CDK5RAP1: variants seen among roughly 807,000 people sequenced by gnomAD.
The protein encoded by CDK5RAP1 is CDK5RAP1 mitochondrial tRNA methylthiotransferase, also known as mitochondrial tRNA methylthiotransferase CDK5RAP1.
In CDK5RAP1, 62 loss-of-function variants were observed where a neutral mutation model predicts 64.5. The observed-to-expected ratio is 0.96, with a 90% confidence interval of 0.78 to 1.19. The LOEUF (loss-of-function observed/expected upper bound fraction) is 1.19, where lower values mean the gene tolerates loss of function less well. CDK5RAP1 is among the 50% of genes most tolerant of loss of function. The probability of loss-of-function intolerance (pLI) is 0.00; values close to 1 mark genes in which losing one functional copy is unlikely to be tolerated. For synonymous variants in CDK5RAP1, 250 were observed against 261.9 expected (o/e 0.95, Z 0.44); for missense variants, 657 against 735.0 (o/e 0.89, Z 1.23).
chr20:33,382,748 C>A (rs1452839400), intron 7 of CDK5RAP1, among the ~76,000 whole-genome samples: 3 of 151,950 alleles, frequency 2.0e-5, no homozygotes, highest in African/African-American at 4.8e-5. Flanking sequence ...GCCTATAATC[C>A]CAGCTACTCA....
At chr20:33,364,523 C>G (rs1442061037) in intron 12 of CDK5RAP1, among the ~76,000 whole-genome samples, 1 of 151,948 alleles carries the variant, frequency 6.6e-6, no homozygotes, top group African/African-American at 2.4e-5. Context: ...AAATCACCCA[C>G]CAGGAGCAGT....
intron 1 of CDK5RAP1, among the ~76,000 whole-genome samples, chr20:33,397,819 C>T (rs1989040296): frequency 6.6e-6 from 1 of 151,810 alleles, no homozygotes; most frequent in Admixed American, 6.6e-5. Context: ...TGGCAAAACC[C>T]CATTTCTACT....
chr20:33,383,200 AAAT>A (rs1986983198), intron 7 of CDK5RAP1, among the ~76,000 whole-genome samples: 1 of 152,056 alleles, frequency 6.6e-6, no homozygotes, highest in Non-Finnish European at 1.5e-5. Flanking sequence ...ATAAATAAAT[AAAT>A]AATAAAAAGA....
At chr20:33,389,269 G>A (rs291702) in intron 5 of CDK5RAP1, among the ~76,000 whole-genome samples, 86,695 of 146,508 alleles carry the variant, frequency 0.59, 26,989 homozygotes, top group South Asian at 0.69. Flanking sequence ...GCCTCTGCCC[G>A]GCCGCGACCC....
At chr20:33,383,535 A>T in intron 7 of CDK5RAP1, 1 of 152,166 alleles carries the variant, frequency 6.6e-6, no homozygotes. Context: ...AGGTCGGGAG[A>T]TCGAGACCAG....
intron 10 of CDK5RAP1, 62 bp from the exon 11 acceptor site, chr20:33,370,691 C>G: frequency 6.3e-7 from 1 of 1,580,570 alleles, no homozygotes; most frequent in South Asian, 1.1e-5. Flanking sequence ...GGGAGGCCTT[C>G]AGCATATGTG....
intron 9 of CDK5RAP1, 95 bp downstream of exon 9, chr20:33,374,020 A>G: frequency 1.2e-6 from 1 of 838,420 alleles, no homozygotes; most frequent in Non-Finnish European, 2.0e-6. Flanking sequence ...ACTTTGTGCC[A>G]CACACTATGC....
intron 7 of CDK5RAP1, among the ~76,000 whole-genome samples, chr20:33,383,732 A>C (rs1459719713): frequency 3.2e-5 from 4 of 123,726 alleles, no homozygotes; most frequent in African/African-American, 9.1e-5. Flanking sequence ...TAAGAGCAAA[A>C]CTCTGTCTCA....
At chr20:33,395,745 G>A (rs1988842111) in intron 2 of CDK5RAP1, among the ~76,000 whole-genome samples, 1 of 152,214 alleles carries the variant, frequency 6.6e-6, no homozygotes, top group African/African-American at 2.4e-5. Flanking sequence ...GAGGGTGGTG[G>A]CTCACGCCTG....
chr20:33,370,411 G>A (rs146874226), intron 11 of CDK5RAP1, 88 bp downstream of exon 11: 12 of 1,403,556 alleles, frequency 8.5e-6, no homozygotes, highest in East Asian at 4.6e-5. Flanking sequence ...CTGCCTTGCC[G>A]CCACTCTCTT....
chr20:33,390,989 C>T (rs1988240562), intron 5 of CDK5RAP1, among the ~76,000 whole-genome samples: 1 of 152,164 alleles, frequency 6.6e-6, no homozygotes, highest in Admixed American at 6.6e-5. Flanking sequence ...CAGTGGCTCA[C>T]ACCTATAATC....
intron 12 of CDK5RAP1, among the ~76,000 whole-genome samples, chr20:33,360,708 T>C (rs567654822): frequency 5.3e-5 from 8 of 152,322 alleles, no homozygotes; most frequent in African/African-American, 1.9e-4. Flanking sequence ...GCTAACTATA[T>C]TATAATGAAT....
intron 5 of CDK5RAP1, among the ~76,000 whole-genome samples, chr20:33,389,902 T>C (rs1021816243): frequency 6.6e-6 from 1 of 151,684 alleles, no homozygotes; most frequent in Non-Finnish European, 1.5e-5. Flanking sequence ...AATTTTTCAA[T>C]GAACAAACAA....
chr20:33,362,060 G>T (rs532419747), intron 12 of CDK5RAP1, among the ~76,000 whole-genome samples: 1 of 151,996 alleles, frequency 6.6e-6, no homozygotes, highest in East Asian at 1.9e-4. Context: ...ATTCAAGTAC[G>T]GAAGTGGTGG....
chr20:33,380,720 T>TTTCTGCCC (rs1986643386), intron 7 of CDK5RAP1, among the ~76,000 whole-genome samples: 1 of 152,192 alleles, frequency 6.6e-6, no homozygotes, highest in African/African-American at 2.4e-5. Context: ...ATTTATATTA[T>TTTCTGCCC]AGGCCAGGTG....
intron 1 of CDK5RAP1, among the ~76,000 whole-genome samples, chr20:33,397,862 A>C (rs1170356380): frequency 6.6e-6 from 1 of 152,118 alleles, no homozygotes; most frequent in Admixed American, 6.6e-5. Flanking sequence ...TGTGGTAGCA[A>C]GTGCCTATAG....
Position 33,382,711 on chromosome 20 carries a change from ATT to A in CDK5RAP1, c.876+2937_876+2938del, listed in dbSNP as rs1044141796. On this transcript the variant is annotated intron_variant, in intron 7 of 13. Coordinates refer to ENST00000346416, the MANE Select transcript of CDK5RAP1 (RefSeq NM_016408.4). ...TAAATAAATAAAATAAAATAAAAAT[ATT>A]CTTTAGCAGCACATGGTGGTACGTG... 1.0e-3 allele frequency among the ~76,000 whole-genome samples: 158 copies of A among 151,992 alleles called. 1 individual carries two copies. Among genetic ancestry groups the A allele is most frequent in the African/African-American group, 3.8e-3 (156 of 41,366 alleles).
intron 10 of CDK5RAP1, 114 bp downstream of exon 10, chr20:33,372,528 C>T (rs921637191): frequency 7.4e-6 from 4 of 540,852 alleles, no homozygotes; most frequent in African/African-American, 5.9e-5. Context: ...AAGAAGAGCA[C>T]AAAAGTTATG....
intron 12 of CDK5RAP1, among the ~76,000 whole-genome samples, chr20:33,364,974 G>A (rs575766458): frequency 2.3e-4 from 34 of 150,558 alleles, no homozygotes; most frequent in East Asian, 1.4e-3. Flanking sequence ...CTGCACCCTC[G>A]ACCTCCTGGA....
Sources: allele counts gnomAD v4.1 joint callset (sites outside exome capture counted in the v4.1 genomes callset), GRCh38; gene constraint gnomAD v4.1.1; transcripts MANE v1.5; gene names NCBI Gene and HGNC (gene_info 2026-07-23, HGNC 2026-07-21).